Variants in ARAP1 observed in about 807,000 individuals in gnomAD.
ARAP1 encodes the protein ArfGAP with RhoGAP domain, ankyrin repeat and PH domain 1, also known as arf-GAP with Rho-GAP domain, ANK repeat and PH domain-containing protein 1.
Under a neutral mutation model 172.2 loss-of-function variants are expected in ARAP1, and 76 were observed. That is an observed-to-expected ratio of 0.44 (90% CI 0.37 to 0.53). The LOEUF (loss-of-function observed/expected upper bound fraction) is 0.53, where lower values mean the gene tolerates loss of function less well. ARAP1 is among the 20% of genes least tolerant of loss of function. The probability of loss-of-function intolerance (pLI) is 0.00; values close to 1 mark genes in which losing one functional copy is unlikely to be tolerated. For missense variants in ARAP1, 1,686 were observed against 1,977.5 expected (o/e 0.85, Z 2.80); for synonymous variants, 804 against 803.3 (o/e 1.00, Z -0.01).
At chr11:72,698,919 G>C (rs1019949439) in intron 18 of ARAP1, 86 bp downstream of exon 18, 3 of 1,371,390 alleles carry the variant, frequency 2.2e-6, no homozygotes, top group Non-Finnish European at 3.1e-6. Flanking sequence ...CTCTAGACGG[G>C]GGAGCTGGGA....
intron 4 of ARAP1, 32 bp from the exon 5 acceptor site, chr11:72,713,275 C>T: frequency 6.2e-7 from 1 of 1,605,658 alleles, no homozygotes; most frequent in Non-Finnish European, 8.5e-7. Flanking sequence ...GGCCTCAGGG[C>T]AAGGGGCCTG....
At chr11:72,734,359 A>G (rs781245117) in intron 1 of ARAP1, among the ~76,000 whole-genome samples, 6 of 152,110 alleles carry the variant, frequency 3.9e-5, no homozygotes, top group Non-Finnish European at 7.4e-5. Flanking sequence ...GGCCTCAAGC[A>G]ATCCTCCCAC....
chr11:72,691,112 T>C (rs1855916124), intron 30 of ARAP1, among the ~76,000 whole-genome samples: 1 of 152,200 alleles, frequency 6.6e-6, no homozygotes, highest in Non-Finnish European at 1.5e-5. Context: ...AGCTTGCGTT[T>C]CCACACTAAG....
intron 5 of ARAP1, 174 bp downstream of exon 5, chr11:72,713,002 G>T (rs1010928200): frequency 1.4e-6 from 1 of 691,322 alleles, no homozygotes; most frequent in Non-Finnish European, 2.5e-6. Flanking sequence ...GGCCCAGAGC[G>T]CTGTGGCTAC....
At chr11:72,686,244 C>A in intron 33 of ARAP1, 53 bp from the exon 34 acceptor site, 1 of 1,576,218 alleles carries the variant, frequency 6.3e-7, no homozygotes, top group Non-Finnish European at 8.6e-7. Context: ...CCCAGACACT[C>A]AGCCTCAGAT....
intron 1 of ARAP1, among the ~76,000 whole-genome samples, chr11:72,735,013 C>G (rs1857975733): frequency 6.6e-6 from 1 of 152,106 alleles, no homozygotes; most frequent in African/African-American, 2.4e-5. Flanking sequence ...CAGGGTCTCG[C>G]TCTGTCACCC....
chr11:72,701,629 G>T lies in ARAP1; in HGVS notation c.2302+20C>A. On this transcript the variant is annotated intron_variant, in intron 16 of 34. Coordinates refer to ENST00000393609, the MANE Select transcript of ARAP1 (RefSeq NM_001040118.3). The stretch of plus-strand genomic sequence containing the variant: ...TGACCAGATGCCATGGGCTAAAGCA[G>T]AGTCTGGGGTGGCACCCACCTTCCC... The T allele has an allele frequency of 6.2e-7, 1 of 1,608,640 alleles. No individual in the cohort carries two copies. The highest frequency in any genetic ancestry group is 1.1e-5 in the South Asian group (1 of 90,686).
intron 1 of ARAP1, among the ~76,000 whole-genome samples, chr11:72,746,530 A>C (rs1310360996): frequency 6.6e-6 from 1 of 152,220 alleles, no homozygotes; most frequent in African/African-American, 2.4e-5. Flanking sequence ...GGAAATTCAG[A>C]AGCTGGGACT....
Position 72,693,889 on chromosome 11 carries a change from A to C in ARAP1, c.3695-84T>G. ...TGGCAGATGGGCACATATCACCTAC[A>C]CATCCCCTGTCCACTCCAACCATAT... On this transcript the variant is annotated intron_variant, in intron 27 of 34. Transcript: ENST00000393609. The surrounding 1 kb of genome is among the most constrained non-coding windows in gnomAD (Gnocchi z 4.6). 1 of 1,110,256 alleles carries C rather than the reference A, an allele frequency of 9.0e-7. No individual in the cohort carries two copies. Among genetic ancestry groups the C allele is most frequent in the African/African-American group, 1.6e-5 (1 of 64,472 alleles). 68.8% of individuals were successfully genotyped at this position (1,110,256 alleles called of 1,614,324 possible).
Position 72,693,822 on chromosome 11 carries a change from C to A in ARAP1, c.3695-17G>T. On this transcript the variant is annotated splice_polypyrimidine_tract_variant and intron_variant, in intron 27 of 34. Coordinates refer to ENST00000393609, the MANE Select transcript of ARAP1 (RefSeq NM_001040118.3). This position sits in a 1 kb window ranked among gnomAD's most constrained non-coding sequence, Gnocchi z 4.6. ...GGGGGCGCTCTGGGGAGAGGTCACA[C>A]CTACCGTCACTGGGACCACATGGCC... 1 of 1,573,202 alleles carries A rather than the reference C, an allele frequency of 6.4e-7. No homozygotes were observed. Among genetic ancestry groups the A allele is most frequent in the Non-Finnish European group, 8.6e-7 (1 of 1,160,198 alleles).
At chr11:72,698,155 G>A (rs1591182771) in intron 18 of ARAP1, 49 bp from the exon 19 acceptor site, 2 of 1,507,974 alleles carry the variant, frequency 1.3e-6, no homozygotes, top group East Asian at 2.4e-5. Flanking sequence ...GGCACTGCCT[G>A]CCCCAATGCC....
At position 72,725,352 on chromosome 11, in the gene ARAP1, T is replaced by C. The variant is rs1223512395; in HGVS notation, c.509+1268A>G. ...TCTCTCTCTCCCCCCCACAAGCTGA[T>C]GGGGTTGAAATAGAAAACGCTCCTG... On this transcript the variant is annotated intron_variant, in intron 3 of 34. Transcript: ENST00000393609. The surrounding 1 kb of genome is among the most constrained non-coding windows in gnomAD (Gnocchi z 4.3). 6.6e-6 allele frequency among the ~76,000 whole-genome samples: 1 copy of C among 150,638 alleles called. No individual in the cohort carries two copies. Among genetic ancestry groups the C allele is most frequent in the African/African-American group, 2.4e-5 (1 of 41,126 alleles).
chr11:72,740,990 T>C (rs1050418863), intron 1 of ARAP1, among the ~76,000 whole-genome samples: 5 of 152,008 alleles, frequency 3.3e-5, no homozygotes, highest in Non-Finnish European at 7.4e-5. Context: ...CATACCTCAC[T>C]TGCAAATAAA....
chr11:72,706,504 G>C (rs1856768953), intron 12 of ARAP1, among the ~76,000 whole-genome samples: 1 of 152,150 alleles, frequency 6.6e-6, no homozygotes, highest in African/African-American at 2.4e-5. Context: ...TGGCCAGAAT[G>C]AGTGGCCTCG....
intron 1 of ARAP1, among the ~76,000 whole-genome samples, chr11:72,751,331 C>T (rs940260964): frequency 1.3e-4 from 20 of 152,190 alleles, no homozygotes; most frequent in African/African-American, 4.1e-4. Flanking sequence ...GCTACGCCCT[C>T]GCCTTTGGAG....
chr11:72,726,007 G>A lies in ARAP1; in HGVS notation c.509+613C>T, dbSNP rs915659984. Among the ~76,000 whole-genome samples the A allele has an allele frequency of 2.0e-5, 3 of 152,174 alleles. No homozygotes were observed. Among genetic ancestry groups the A allele is most frequent in the Admixed American group, 6.5e-5 (1 of 15,288 alleles). On this transcript the variant is annotated intron_variant, in intron 3 of 34. Coordinates refer to ENST00000393609, the MANE Select transcript of ARAP1 (RefSeq NM_001040118.3). This position sits in a 1 kb window ranked among gnomAD's most constrained non-coding sequence, Gnocchi z 6.5. ...GGAGATTAACATGGAATATCCACAG[G>A]AGCCAGAGGAAACTCAAGAAAACAC...
chr11:72,719,786 C>T (rs1857433086), intron 3 of ARAP1, among the ~76,000 whole-genome samples: 1 of 152,158 alleles, frequency 6.6e-6, no homozygotes, highest in African/African-American at 2.4e-5. Flanking sequence ...CCCCACTACT[C>T]ACACTCCAGC....
At chr11:72,732,837 T>C (rs1857904382) in intron 1 of ARAP1, among the ~76,000 whole-genome samples, 1 of 151,842 alleles carries the variant, frequency 6.6e-6, no homozygotes, top group South Asian at 2.1e-4. Context: ...ACAAAAATTA[T>C]CCAGGTGTGG....
chr11:72,713,179 C>A lies in ARAP1; in HGVS notation c.744G>T (p.Lys248Asn). The A allele has an allele frequency of 6.2e-7, 1 of 1,613,846 alleles. No homozygotes were observed. Among genetic ancestry groups the A allele is most frequent in the Non-Finnish European group, 8.5e-7 (1 of 1,179,838 alleles). The part of the protein sequence containing the change: ...GPGAPARVMT[K>N]KEEPPPSRVP... Reference sequence around the variant, plus strand: ...ACAGTCCCATGCCTGGCCCCACCTTCTTGGTCATCACTCTGGCTGGGGCCC... The same window carrying A: ...ACAGTCCCATGCCTGGCCCCACCTTATTGGTCATCACTCTGGCTGGGGCCC... The change falls in exon 5 of 35, where the codon AAG becomes AAT. Residue 248 changes from lysine to asparagine, a missense_variant. By Grantham distance (94) the Lys-to-Asn change is moderately conservative. Transcript: ENST00000393609.
Sources: allele counts gnomAD v4.1 joint callset (sites outside exome capture counted in the v4.1 genomes callset), GRCh38; gene constraint gnomAD v4.1.1; non-coding constraint Gnocchi (gnomAD v3.1); transcripts MANE v1.5; gene names NCBI Gene and HGNC (gene_info 2026-07-23, HGNC 2026-07-21).